AEBP2: variants seen among roughly 807,000 people sequenced by gnomAD.
AEBP2 encodes AE binding protein 2.
Under a neutral mutation model 50.8 loss-of-function variants are expected in AEBP2, and 10 were observed. The observed-to-expected ratio is 0.20, with a 90% CI of 0.12 to 0.33. The LOEUF (loss-of-function observed/expected upper bound fraction) is 0.33, where lower values mean the gene tolerates loss of function less well. AEBP2 is among the 10% of genes least tolerant of loss of function. The pLI, the probability that AEBP2 is intolerant of heterozygous loss-of-function variation, is 1.00. For missense variants in AEBP2, 570 were observed against 688.0 expected, an observed-to-expected ratio of 0.83 and a Z score of 1.92; for synonymous variants, 296 against 261.3, an observed-to-expected ratio of 1.13 and a Z score of -1.28.
intron 1 of AEBP2, among the ~76,000 whole-genome samples, chr12:19,443,749 A>G (rs755620847): frequency 6.6e-6 from 1 of 152,092 alleles, no homozygotes; most frequent in African/African-American, 2.4e-5. Context: ...ATATAAAGAC[A>G]TAGATATTAG....
intron 1 of AEBP2, among the ~76,000 whole-genome samples, chr12:19,446,557 G>A (rs1312621824): frequency 6.6e-6 from 1 of 152,006 alleles, no homozygotes; most frequent in Non-Finnish European, 1.5e-5. Context: ...GTGAAACCCC[G>A]TCTCTACTAA....
chr12:19,431,339 G>T (rs1232829648), intron 1 of AEBP2, among the ~76,000 whole-genome samples: 1 of 152,086 alleles, frequency 6.6e-6, no homozygotes, highest in Non-Finnish European at 1.5e-5. Context: ...GTACTAACTG[G>T]TATTGTGACT....
chr12:19,516,252 A>G (rs778590105), intron 7 of AEBP2, among the ~76,000 whole-genome samples: 1 of 152,144 alleles, frequency 6.6e-6, no homozygotes, highest in Non-Finnish European at 1.5e-5. Context: ...AAAATAATTG[A>G]GTGTTGTTGA....
At chr12:19,409,807 A>G (rs977594496) in intron 1 of AEBP2, among the ~76,000 whole-genome samples, 11 of 152,206 alleles carry the variant, frequency 7.2e-5, no homozygotes. Flanking sequence ...AAGTTATAGA[A>G]AGTCAATTTA....
At chr12:19,480,986 T>G (rs1320739900) in intron 3 of AEBP2, among the ~76,000 whole-genome samples, 1 of 152,132 alleles carries the variant, frequency 6.6e-6, no homozygotes, top group Non-Finnish European at 1.5e-5. Flanking sequence ...TTAATTTTTT[T>G]TTAAGTGTCT....
At chr12:19,443,731 A>G (rs1740702650) in intron 1 of AEBP2, among the ~76,000 whole-genome samples, 1 of 152,156 alleles carries the variant, frequency 6.6e-6, no homozygotes, top group South Asian at 2.1e-4. Context: ...TCAAAAAAAG[A>G]TAATTAAATA....
chr12:19,498,232 AT>A (rs1171087410), intron 4 of AEBP2, among the ~76,000 whole-genome samples: 2 of 151,842 alleles, frequency 1.3e-5, no homozygotes, highest in African/African-American at 4.8e-5. Flanking sequence ...AAAGTTACAC[AT>A]TTTTTTTCGA....
intron 1 of AEBP2, among the ~76,000 whole-genome samples, chr12:19,451,686 A>ATT (rs34094890): frequency 2.3e-4 from 34 of 146,912 alleles, no homozygotes; most frequent in African/African-American, 4.3e-4. Flanking sequence ...CCATCTTTTA[A>ATT]TTTTTTTTTT....
chr12:19,510,632 A>C (rs1414393062), intron 5 of AEBP2, among the ~76,000 whole-genome samples: 1 of 152,160 alleles, frequency 6.6e-6, no homozygotes, highest in African/African-American at 2.4e-5. Flanking sequence ...TATAGAGCCA[A>C]AGTCATACTT....
intron 2 of AEBP2, among the ~76,000 whole-genome samples, chr12:19,467,071 ACTAAT>A (rs1011421790): frequency 1.8e-4 from 27 of 152,182 alleles, no homozygotes; most frequent in Non-Finnish European, 5.9e-5. Flanking sequence ...TTAAAATTAA[ACTAAT>A]CTAAACACCA....
rs570396545 is a variant in AEBP2, at chr12:19,405,741, C to T, written c.-17+1525C>T. ...GGGGTTCCTGCTTCGTCTCACACCC[C>T]CATTATGAACATCCCTCACCAGAGG... On this transcript the variant is annotated intron_variant, in intron 1 of 3. Transcript: ENST00000538425. Among the ~76,000 whole-genome samples the T allele has an allele frequency of 3.3e-5, 5 of 152,260 alleles. No homozygotes were observed. In the South Asian group the frequency reaches 1.0e-3, roughly 32 times the overall value.
At chr12:19,417,027 A>G (rs2095742985) in intron 1 of AEBP2, among the ~76,000 whole-genome samples, 1 of 151,516 alleles carries the variant, frequency 6.6e-6, no homozygotes, top group Non-Finnish European at 1.5e-5. Context: ...ATGTGCCACC[A>G]TGCGTGACTA....
In AEBP2 at chr12:19,439,812, A is replaced by C; in HGVS notation, c.113A>C (p.Glu38Ala). ...AARGRAEPPE[E>A]EEEEEEEEEE... ...CGGGGCCGGGCTGAGCCCCCCGAGG[A>C]GGAGGAGGAAGAGGAGGAGGAGGAA... Residue 38 changes from glutamate to alanine, a missense_variant, in exon 1 of 8, where the codon GAG (glutamate) becomes GCG (alanine). Transcript: ENST00000266508. 6.6e-7 allele frequency: 1 copy of C among 1,508,036 alleles called. No homozygotes were observed. The highest frequency in any genetic ancestry group is 8.8e-7 in the Non-Finnish European group (1 of 1,135,524). 93.4% of individuals were successfully genotyped at this position (1,508,036 alleles called of 1,614,324 possible). A position where few individuals can be genotyped will look rare whatever the true frequency, so the allele number is the denominator to read the frequency against.
chr12:19,471,013 G>A (rs1215969220), intron 2 of AEBP2, among the ~76,000 whole-genome samples: 2 of 152,088 alleles, frequency 1.3e-5, no homozygotes, highest in East Asian at 1.9e-4. Context: ...AATGACTTGT[G>A]CACCAAACTA....
chr12:19,441,089 CAA>C (rs199501621), intron 1 of AEBP2, among the ~76,000 whole-genome samples: 2,394 of 152,224 alleles, frequency 0.016, 33 homozygotes, highest in Non-Finnish European at 0.022. Flanking sequence ...GGAATCGTAA[CAA>C]AATACAGTCT....
rs1948395236 is a variant in AEBP2, at chr12:19,462,397, C to T, written c.672-113C>T. ...TCTCATGGAGAATATGGTTACTATG[C>T]TTTGTTCACATGGAGCAGAATGTCA... On this transcript the variant is annotated intron_variant, in intron 1 of 7. Transcript: ENST00000266508. 29 of 864,736 alleles carry T rather than the reference C, an allele frequency of 3.4e-5. No individual in the cohort carries two copies. In the South Asian group the frequency reaches 5.2e-4, roughly 16 times the overall value. The allele number at this position is 864,736 out of a possible 1,614,324, so 53.6% of individuals were successfully genotyped here.
chr12:19,450,188 C>T (rs997977825), intron 1 of AEBP2, among the ~76,000 whole-genome samples: 4 of 151,856 alleles, frequency 2.6e-5, no homozygotes, highest in African/African-American at 9.7e-5. Flanking sequence ...TGTTCTTTGT[C>T]CTTCGTAAGT....
intron 3 of AEBP2, among the ~76,000 whole-genome samples, chr12:19,486,152 A>C (rs987028948): frequency 6.6e-6 from 1 of 151,980 alleles, no homozygotes; most frequent in Non-Finnish European, 1.5e-5. Context: ...CCCTCCACCC[A>C]TCTGCCCAGA....
upstream of AEBP2, among the ~76,000 whole-genome samples, chr12:19,436,354 A>G (rs1947861239): frequency 6.6e-6 from 1 of 152,138 alleles, no homozygotes; most frequent in Non-Finnish European, 1.5e-5. Context: ...TGTTTAGCGT[A>G]TAATCAGGAG....
Sources: gnomAD v4.1 joint callset for allele counts (sites outside exome capture counted in the v4.1 genomes callset) on GRCh38, gnomAD v4.1.1 for gene constraint, MANE v1.5 for transcripts, NCBI Gene and HGNC (gene_info 2026-07-23, HGNC 2026-07-21) for gene names.